Variants in MAST4 observed in about 807,000 individuals in gnomAD.
MAST4 encodes the protein microtubule associated serine/threonine kinase family member 4, also known as microtubule-associated serine/threonine-protein kinase 4.
In MAST4, 89 loss-of-function variants were observed where a neutral mutation model predicts 162.7. The observed-to-expected ratio is 0.55, with a 90% CI of 0.46 to 0.65. The LOEUF is 0.65. Ranked by LOEUF, MAST4 falls within the 30% of genes least tolerant of loss-of-function variation. The pLI, the probability that MAST4 is intolerant of heterozygous loss-of-function variation, is 0.00. For synonymous variants in MAST4, 1,479 were observed against 1,361.1 expected, an observed-to-expected ratio of 1.09 and a Z score of -1.91; for missense variants, 3,153 against 3,374.0, an observed-to-expected ratio of 0.93 and a Z score of 1.62.
At chr5:67,061,171 T>C (rs1759534506) in intron 5 of MAST4, among the ~76,000 whole-genome samples, 1 of 152,176 alleles carries the variant, frequency 6.6e-6, no homozygotes, top group African/African-American at 2.4e-5. Context: ...TGTGTGTGTG[T>C]GTGTCCATCT....
At chr5:66,892,265 T>C (rs1482576645) in intron 3 of MAST4, among the ~76,000 whole-genome samples, 3 of 152,296 alleles carry the variant, frequency 2.0e-5, no homozygotes, top group African/African-American at 4.8e-5. Flanking sequence ...ACAAGAAACA[T>C]TGGGGAAGAA....
intron 4 of MAST4, among the ~76,000 whole-genome samples, chr5:66,976,559 C>G (rs1748167467): frequency 1.3e-5 from 2 of 152,222 alleles, no homozygotes. Flanking sequence ...AGAAAGTAAT[C>G]TCATGCTCTC....
chr5:66,632,351 A>T (rs1233232168), intron 1 of MAST4, among the ~76,000 whole-genome samples: 1 of 151,694 alleles, frequency 6.6e-6, no homozygotes, highest in South Asian at 2.1e-4. Context: ...AGCCCTAATG[A>T]TGGGATTCAT....
At chr5:66,992,159 G>C (rs369051065) in intron 4 of MAST4, among the ~76,000 whole-genome samples, 43 of 152,094 alleles carry the variant, frequency 2.8e-4, no homozygotes, top group African/African-American at 9.7e-4. Context: ...GATTGCAATC[G>C]TAATACAGGT....
chr5:67,061,219 T>A (rs1759544767), intron 5 of MAST4, among the ~76,000 whole-genome samples: 1 of 151,928 alleles, frequency 6.6e-6, no homozygotes, highest in African/African-American at 2.4e-5. Context: ...AAACTTTTGT[T>A]CCCCCCTTAT....
intron 3 of MAST4, among the ~76,000 whole-genome samples, chr5:66,868,420 TATATATATGTATATAC>T (rs1760687340): frequency 6.6e-6 from 1 of 151,248 alleles, no homozygotes; most frequent in Admixed American, 6.6e-5. Context: ...TGTATATGTG[TATATATATGTATATAC>T]ATATATATGT....
intron 26 of MAST4, 147 bp from the exon 27 acceptor site, chr5:67,160,309 T>C: frequency 2.4e-6 from 2 of 823,944 alleles, no homozygotes; most frequent in Non-Finnish European, 3.6e-6. Flanking sequence ...CTGGCAGGAC[T>C]TCTTTGATTG....
chr5:66,782,285 G>A (rs185495564), intron 2 of MAST4, among the ~76,000 whole-genome samples: 54 of 133,250 alleles, frequency 4.1e-4, no homozygotes, highest in African/African-American at 1.2e-3. Flanking sequence ...GCGAGACTTC[G>A]TCTCAAAAAA....
At chr5:66,806,279 G>A (rs1756182549) in intron 3 of MAST4, among the ~76,000 whole-genome samples, 1 of 152,222 alleles carries the variant, frequency 6.6e-6, no homozygotes, top group Non-Finnish European at 1.5e-5. Context: ...GCTTGGGCAG[G>A]ATTGAATGGT....
At chr5:66,935,411 C>A (rs986834978) in intron 4 of MAST4, among the ~76,000 whole-genome samples, 2 of 152,122 alleles carry the variant, frequency 1.3e-5, no homozygotes, top group Admixed American at 1.3e-4. Flanking sequence ...TGGAACCTTG[C>A]AACCTCATTA....
intron 6 of MAST4, chr5:67,094,125 C>T (rs752256354): frequency 2.1e-6 from 3 of 1,420,564 alleles, no homozygotes; most frequent in South Asian, 2.9e-5. Context: ...TTTTAACATA[C>T]TTGATTCATT....
intron 15 of MAST4, among the ~76,000 whole-genome samples, chr5:67,130,669 AC>A (rs1257984645): frequency 6.6e-6 from 1 of 151,874 alleles, no homozygotes. Flanking sequence ...AATCCTAACT[AC>A]CTCCTCTCAA....
intron 4 of MAST4, among the ~76,000 whole-genome samples, chr5:66,929,560 T>C (rs1741951632): frequency 6.6e-6 from 1 of 152,186 alleles, no homozygotes; most frequent in South Asian, 2.1e-4. Context: ...CCCTTTGCTT[T>C]AATGATAAAG....
chr5:66,897,479 G>A (rs768591330), intron 3 of MAST4, among the ~76,000 whole-genome samples: 7 of 152,330 alleles, frequency 4.6e-5, no homozygotes, highest in South Asian at 4.1e-4. Flanking sequence ...GGCTGCAACC[G>A]CTTAGCCCTC....
At chr5:66,900,058 T>C (rs958094221) in intron 4 of MAST4, 76 bp downstream of exon 4, 8 of 984,100 alleles carry the variant, frequency 8.1e-6, no homozygotes, top group African/African-American at 1.7e-5. Context: ...CTCTGATTCA[T>C]TAGTGGCAAT....
At chr5:66,955,928 A>G (rs1349049663) in intron 4 of MAST4, among the ~76,000 whole-genome samples, 1 of 151,718 alleles carries the variant, frequency 6.6e-6, no homozygotes, top group Non-Finnish European at 1.5e-5. Context: ...ATCAGGACCC[A>G]TTAAAAAGTT....
intron 3 of MAST4, among the ~76,000 whole-genome samples, chr5:66,848,522 A>AT (rs1037350474): frequency 1.1e-3 from 169 of 152,250 alleles, no homozygotes; most frequent in African/African-American, 3.8e-3. Flanking sequence ...CGTTATTATA[A>AT]TTTTTTAACC....
chr5:67,049,022 CG>C (rs1757751890), intron 4 of MAST4, among the ~76,000 whole-genome samples: 2 of 81,938 alleles, frequency 2.4e-5, no homozygotes, highest in Admixed American at 1.3e-4. Context: ...TATATATATA[CG>C]TATATATATA....
intron 1 of MAST4, among the ~76,000 whole-genome samples, chr5:66,645,656 T>C (rs1440653900): frequency 6.6e-6 from 1 of 152,180 alleles, no homozygotes; most frequent in African/African-American, 2.4e-5. Context: ...CGTTTTTTCC[T>C]CCCAACCACT....
Sources: gnomAD v4.1 joint callset for allele counts (sites outside exome capture counted in the v4.1 genomes callset) on GRCh38, gnomAD v4.1.1 for gene constraint, MANE v1.5 for transcripts, NCBI Gene and HGNC (gene_info 2026-07-23, HGNC 2026-07-21) for gene names.